MAP3K9: variants seen among roughly 807,000 people sequenced by gnomAD.
The protein encoded by MAP3K9 is mixed lineage kinase 1 (tyr and ser/thr specificity).
In MAP3K9, 46 loss-of-function variants were observed where a neutral mutation model predicts 95.8. That is an observed-to-expected ratio of 0.48 (90% CI 0.38 to 0.61). The LOEUF (loss-of-function observed/expected upper bound fraction) is 0.61. Among genes scored for constraint, MAP3K9 ranks in the 20% least tolerant of loss-of-function variants. The pLI is 0.00. For missense variants in MAP3K9, 1,296 were observed against 1,474.3 expected, an observed-to-expected ratio of 0.88 and a Z score of 1.98; for synonymous variants, 533 against 593.8, an observed-to-expected ratio of 0.90 and a Z score of 1.49.
chr14:70,803,352 A>C (rs1038537233), intron 1 of MAP3K9, among the ~76,000 whole-genome samples: 15 of 151,546 alleles, frequency 9.9e-5, no homozygotes, highest in Non-Finnish European at 1.8e-4. Flanking sequence ...AAAAAAAAAA[A>C]AAAAAAAAAA....
Position 70,730,152 on chromosome 14 carries a change from C to T in MAP3K9, c.*228G>A. 1 of 584,352 alleles carries T rather than the reference C, an allele frequency of 1.7e-6. No individual in the cohort carries two copies. Among genetic ancestry groups the T allele is most frequent in the South Asian group, 2.3e-5 (1 of 43,048 alleles). 36.2% of individuals were successfully genotyped at this position (584,352 alleles called of 1,614,324 possible). ...ATGCACCCCTTCCTCCCCTACACAGCCAGAGCTGATGGCCACAGCCCCTCC... is the reference window on the plus strand; with the variant it reads ...ATGCACCCCTTCCTCCCCTACACAGTCAGAGCTGATGGCCACAGCCCCTCC... On this transcript the variant is annotated 3_prime_UTR_variant, in exon 12 of 12. Coordinates refer to ENST00000554752, the MANE Select transcript of MAP3K9 (RefSeq NM_001284230.2).
At chr14:70,796,672 C>G (rs2054867843) in intron 2 of MAP3K9, among the ~76,000 whole-genome samples, 1 of 152,170 alleles carries the variant, frequency 6.6e-6, no homozygotes, top group South Asian at 2.1e-4. Flanking sequence ...TTAATGGGAG[C>G]CAACTCAGCC....
chr14:70,795,201 A>T (rs2139849498), intron 2 of MAP3K9, among the ~76,000 whole-genome samples: 1 of 147,570 alleles, frequency 6.8e-6, no homozygotes, highest in African/African-American at 2.5e-5. Flanking sequence ...TTTCACTATG[A>T]TGGCCAGGCT....
chr14:70,783,424 T>C (rs1330423835), intron 2 of MAP3K9: 47 of 984,316 alleles, frequency 4.8e-5, no homozygotes, highest in Non-Finnish European at 5.7e-5. Context: ...CCTCATTTCC[T>C]GCTCAAAATT....
intron 1 of MAP3K9, among the ~76,000 whole-genome samples, chr14:70,804,544 C>T (rs569282760): frequency 5.1e-4 from 77 of 152,166 alleles, no homozygotes; most frequent in African/African-American, 1.4e-3. Flanking sequence ...TTCTTATTTC[C>T]TCAACTGAGT....
rs139953497 is a variant in MAP3K9, at chr14:70,798,194, A to C, written c.820+2473T>G. On this transcript the variant is annotated intron_variant, in intron 2 of 11. Coordinates refer to ENST00000554752, the MANE Select transcript of MAP3K9 (RefSeq NM_001284230.2). ...CATAAGAGCCTCCACTCCTAAATACAAATCTCATAAGAGGTAAAAACGTGT... is the reference window on the plus strand; with the variant it reads ...CATAAGAGCCTCCACTCCTAAATACCAATCTCATAAGAGGTAAAAACGTGT... Among the ~76,000 whole-genome samples, 1,257 of 152,326 alleles carry C rather than the reference A, an allele frequency of 8.3e-3. 6 individuals carry two copies. Among genetic ancestry groups the C allele is most frequent in the Non-Finnish European group, 0.013 (875 of 68,036 alleles).
Position 70,729,840 on chromosome 14 carries a change from T to C in MAP3K9, c.*540A>G, listed in dbSNP as rs1429826045. The stretch of plus-strand genomic sequence containing the variant: ...CCACACTGGGCCACCTTGCTTTCAG[T>C]CTTCCTGCTAGCATGAAAGGGCTTA... On this transcript the variant is annotated 3_prime_UTR_variant, in exon 12 of 12. Coordinates refer to ENST00000554752, the MANE Select transcript of MAP3K9 (RefSeq NM_001284230.2). 2 of 153,584 alleles carry C rather than the reference T, an allele frequency of 1.3e-5. No individual in the cohort carries two copies. The highest frequency in any genetic ancestry group is 2.9e-5 in the Non-Finnish European group (2 of 69,020). The allele number at this position is 153,584 out of a possible 1,614,324, so 9.5% of individuals were successfully genotyped here.
intron 1 of MAP3K9, among the ~76,000 whole-genome samples, chr14:70,806,802 A>T (rs1594818391): frequency 6.6e-6 from 1 of 152,334 alleles, no homozygotes; most frequent in Middle Eastern, 3.4e-3. Context: ...GTCCCTGAAA[A>T]CAAAATCACA....
At chr14:70,769,066 C>G (rs7154907) in intron 2 of MAP3K9, among the ~76,000 whole-genome samples, 79,371 of 151,992 alleles carry the variant, frequency 0.52, 20,805 homozygotes, top group South Asian at 0.62. Context: ...GTATATATGG[C>G]TGGGAGTGGT....
chr14:70,763,526 T>C (rs2054403189), intron 2 of MAP3K9, among the ~76,000 whole-genome samples: 1 of 132,898 alleles, frequency 7.5e-6, no homozygotes, highest in Admixed American at 7.8e-5. Context: ...TACTGGTTTA[T>C]GTATTTACTT....
intron 2 of MAP3K9, among the ~76,000 whole-genome samples, chr14:70,771,198 T>C (rs1041164001): frequency 2.6e-5 from 4 of 152,234 alleles, no homozygotes; most frequent in Non-Finnish European, 5.9e-5. Context: ...GCTGTGGCTT[T>C]CACTGGGTTT....
At chr14:70,735,137 G>C (rs1277444110) in intron 9 of MAP3K9, among the ~76,000 whole-genome samples, 1 of 152,208 alleles carries the variant, frequency 6.6e-6, no homozygotes, top group Non-Finnish European at 1.5e-5. Flanking sequence ...TCTGGGGGTG[G>C]AGAGACAGAG....
chr14:70,745,566 T>TGTCTCTACTAAAAACATAAGA (rs1317788742), intron 5 of MAP3K9, among the ~76,000 whole-genome samples: 7 of 152,176 alleles, frequency 4.6e-5, no homozygotes, highest in African/African-American at 1.7e-4. Context: ...AGTGAAACCC[T>TGTCTCTACTAAAAACATAAGA]GTCTCTACTA....
intron 2 of MAP3K9, among the ~76,000 whole-genome samples, chr14:70,787,777 G>C (rs1368933424): frequency 6.6e-6 from 1 of 152,066 alleles, no homozygotes; most frequent in African/African-American, 2.4e-5. Flanking sequence ...CAGTAAAAGT[G>C]TTTTGAGTCC....
chr14:70,731,887 G>A (rs2053908581), intron 11 of MAP3K9, among the ~76,000 whole-genome samples: 1 of 152,222 alleles, frequency 6.6e-6, no homozygotes. Context: ...AGGTCTTCCA[G>A]GGAGAAAGAG....
At chr14:70,762,578 C>T (rs1348716731) in intron 2 of MAP3K9, among the ~76,000 whole-genome samples, 1 of 152,048 alleles carries the variant, frequency 6.6e-6, no homozygotes, top group Admixed American at 6.6e-5. Context: ...ATCCTTTGCC[C>T]ATTTTTAAAG....
At chr14:70,807,493 C>CA (rs1026375802) in intron 1 of MAP3K9, among the ~76,000 whole-genome samples, 1 of 151,824 alleles carries the variant, frequency 6.6e-6, no homozygotes, top group Non-Finnish European at 1.5e-5. Flanking sequence ...CTCAAAAAAA[C>CA]AAAAAAACTC....
intron 2 of MAP3K9, among the ~76,000 whole-genome samples, chr14:70,793,559 T>G (rs868727775): frequency 6.6e-6 from 1 of 151,948 alleles, no homozygotes; most frequent in African/African-American, 2.4e-5. Context: ...AAATAAATAA[T>G]TCCACACAAG....
In MAP3K9 at chr14:70,729,525, C is replaced by T. The variant is rs930741442; in HGVS notation, c.*855G>A. On this transcript the variant is annotated 3_prime_UTR_variant, in exon 12 of 12. Transcript: ENST00000554752. ...GAGTGAGTCCCCCAAGAAACTATTC[C>T]TGGGATGAGCAGATGATTGTATCCG... 8 of 152,184 alleles carry T rather than the reference C, an allele frequency of 5.3e-5. No homozygotes were observed. The highest frequency in any genetic ancestry group is 5.2e-4 in the Admixed American group (8 of 15,274). 9.4% of individuals were successfully genotyped at this position (152,184 alleles called of 1,614,324 possible).
Sources: gnomAD v4.1 joint callset for allele counts (sites outside exome capture counted in the v4.1 genomes callset) on GRCh38, gnomAD v4.1.1 for gene constraint, MANE v1.5 for transcripts, NCBI Gene and HGNC (gene_info 2026-07-23, HGNC 2026-07-21) for gene names.